The following ADAT2 variants were observed in gnomAD, a reference collection of about 807,000 sequenced individuals.
ADAT2 encodes adenosine deaminase tRNA specific 2.
ADAT2 carries 26 observed loss-of-function variants against 25.9 expected under a neutral mutation model. The observed-to-expected ratio is 1.00, with a 90% CI of 0.74 to 1.39. The LOEUF (loss-of-function observed/expected upper bound fraction) is 1.39. Among genes scored for constraint, ADAT2 ranks in the 40% most tolerant of loss-of-function variants. The pLI, the probability that ADAT2 is intolerant of heterozygous loss-of-function variation, is 0.00. For synonymous variants in ADAT2, 76 were observed against 86.8 expected (o/e 0.88, Z 0.69); for missense variants, 220 against 244.8 (o/e 0.90, Z 0.68).
At chr6:143,435,975 ACTT>A (rs1368568552) in intron 2 of ADAT2, among the ~76,000 whole-genome samples, 1 of 152,162 alleles carries the variant, frequency 6.6e-6, no homozygotes, top group Admixed American at 6.5e-5. Context: ...CAGTTATAAT[ACTT>A]CTCAGTGTTA....
At position 143,450,498 on chromosome 6, in the gene ADAT2, C is replaced by T. The variant is rs1779730219; in HGVS notation, c.96+65G>A. Reference sequence around the variant, plus strand: ...ACGAGAAAGAACGTTTGCTCAAATGCCGGGGTCGGGTTGAGGGCTGGAGAA... The same window carrying T: ...ACGAGAAAGAACGTTTGCTCAAATGTCGGGGTCGGGTTGAGGGCTGGAGAA... On this transcript the variant is annotated intron_variant, in intron 1 of 5. Coordinates refer to ENST00000237283, the MANE Select transcript of ADAT2 (RefSeq NM_182503.3). 4 of 1,540,784 alleles carry T rather than the reference C, an allele frequency of 2.6e-6. No individual in the cohort carries two copies. The Admixed American group carries it at 5.1e-5, about 20-fold the overall frequency.
rs1026791935 is a variant in ADAT2 at position 143,434,278 on chromosome 6, T to TA, written c.202-298dup. ...TAAAATGCCATGGAGAAGGTAAGTCTAAAAAACAAAGAAAAAAAGATAAAG... is the reference window on the plus strand; with the variant it reads ...TAAAATGCCATGGAGAAGGTAAGTCTAAAAAAACAAAGAAAAAAAGATAAAG... On this transcript the variant is annotated intron_variant, in intron 2 of 5. Coordinates refer to ENST00000237283, the MANE Select transcript of ADAT2 (RefSeq NM_182503.3). The surrounding 1 kb of genome is among the most constrained non-coding windows in gnomAD (Gnocchi z 4.5). 1.3e-5 allele frequency among the ~76,000 whole-genome samples: 2 copies of TA among 152,250 alleles called. No individual in the cohort carries two copies. The highest frequency in any genetic ancestry group is 6.5e-5 in the Admixed American group (1 of 15,300).
chr6:143,441,768 AACAC>A (rs1447497780), intron 1 of ADAT2: 3 of 152,236 alleles, frequency 2.0e-5, no homozygotes, highest in African/African-American at 4.8e-5. Context: ...CAAAGAAGAT[AACAC>A]ACATAGCAAA....
At position 143,440,219 on chromosome 6, in the gene ADAT2, G is replaced by A. The variant is rs561124377; in HGVS notation, c.97-1525C>T. On this transcript the variant is annotated intron_variant, in intron 1 of 5. Coordinates refer to ENST00000237283, the MANE Select transcript of ADAT2 (RefSeq NM_182503.3). The surrounding 1 kb of genome is among the most constrained non-coding windows in gnomAD (Gnocchi z 4.5). Reference sequence around the variant, plus strand: ...CTGTGGCAGCCCTGAAGAGACTTTGGAAGACTTGATTCTCACTTAAGTGCA... The same window carrying A: ...CTGTGGCAGCCCTGAAGAGACTTTGAAAGACTTGATTCTCACTTAAGTGCA... Among the ~76,000 whole-genome samples, 1 of 152,112 alleles carries A rather than the reference G, an allele frequency of 6.6e-6. No individual in the cohort carries two copies. Among genetic ancestry groups the A allele is most frequent in the South Asian group, 2.1e-4 (1 of 4,824 alleles).
At chr6:143,438,545 C>A in intron 2 of ADAT2, 45 bp downstream of exon 2, 1 of 1,451,826 alleles carries the variant, frequency 6.9e-7, no homozygotes, top group Non-Finnish European at 9.7e-7. Context: ...TCCAGTCCAC[C>A]CATCACTACT....
At position 143,444,926 on chromosome 6, in the gene ADAT2, A is replaced by G; in HGVS notation, c.96+5637T>C. ...ATAAAAGGGGGAGAGATGGAAACAG[A>G]CCTTGTTTGCACACAGTTTGATGAG... On this transcript the variant is annotated intron_variant, in intron 1 of 5. Transcript: ENST00000237283. The surrounding 1 kb of genome is among the most constrained non-coding windows in gnomAD (Gnocchi z 4.3). 1 of 1,303,034 alleles carries G rather than the reference A, an allele frequency of 7.7e-7. No homozygotes were observed. The highest frequency in any genetic ancestry group is 1.0e-6 in the Non-Finnish European group (1 of 988,298). 80.7% of individuals were successfully genotyped at this position (1,303,034 alleles called of 1,614,324 possible). A position where few individuals can be genotyped will look rare whatever the true frequency, so the allele number is the denominator to read the frequency against.
In ADAT2 at chr6:143,444,282, T is replaced by C. The variant is rs570414039; in HGVS notation, c.97-5588A>G. Among the ~76,000 whole-genome samples, 1 of 152,052 alleles carries C rather than the reference T, an allele frequency of 6.6e-6. No individual in the cohort carries two copies. The highest frequency in any genetic ancestry group is 6.5e-5 in the Admixed American group (1 of 15,274). On this transcript the variant is annotated intron_variant, in intron 1 of 5. Transcript: ENST00000237283. This position sits in a 1 kb window ranked among gnomAD's most constrained non-coding sequence, Gnocchi z 4.3. ...ATTTTAAAAGGACAAATAACGTCAT[T>C]GTTGAGGAATGGCCGAGCCTGCCAT... is the stretch of plus-strand genomic sequence containing the variant.
At chr6:143,433,272 G>A (rs941483341) in intron 3 of ADAT2, among the ~76,000 whole-genome samples, 1 of 152,154 alleles carries the variant, frequency 6.6e-6, no homozygotes, top group South Asian at 2.1e-4. Flanking sequence ...TCCCTACAGA[G>A]TCTCTGCACT....
rs535194912 is a variant in ADAT2 at position 143,429,466 on chromosome 6, T to C, written c.460-782A>G. 2.0e-5 allele frequency among the ~76,000 whole-genome samples: 3 copies of C among 152,168 alleles called. No individual in the cohort carries two copies. The South Asian group carries it at 6.2e-4, about 32-fold the overall frequency. ...ATTGTGCTAACAGTAAGGAGTGTTA[T>C]ATGAAATATTACCTGAAGAACATGA... On this transcript the variant is annotated intron_variant, in intron 4 of 5. Coordinates refer to ENST00000237283, the MANE Select transcript of ADAT2 (RefSeq NM_182503.3).
rs532719825 is a variant in ADAT2 at position 143,449,088 on chromosome 6, C to T, written c.96+1475G>A. On this transcript the variant is annotated intron_variant, in intron 1 of 5. Coordinates refer to ENST00000237283, the MANE Select transcript of ADAT2 (RefSeq NM_182503.3). Reference sequence around the variant, plus strand: ...TTGAGACAGGGTCTGGCTCTGTCTCCCAGGTTGGAGTACAGTGGCACAGAC... The same window carrying T: ...TTGAGACAGGGTCTGGCTCTGTCTCTCAGGTTGGAGTACAGTGGCACAGAC... Among the ~76,000 whole-genome samples the T allele has an allele frequency of 4.0e-5, 6 of 151,158 alleles. No individual in the cohort carries two copies. In the South Asian group the frequency reaches 8.3e-4, roughly 21 times the overall value.
rs1030055224 is a variant in ADAT2 at position 143,440,713 on chromosome 6, A to T, written c.97-2019T>A. On this transcript the variant is annotated intron_variant, in intron 1 of 5. Coordinates refer to ENST00000237283, the MANE Select transcript of ADAT2 (RefSeq NM_182503.3). The surrounding 1 kb of genome is among the most constrained non-coding windows in gnomAD (Gnocchi z 4.5). ...ATAGACAAATGCACCATAGGCTACT[A>T]TAGAGAAGAAAGCCAGGAAGAAGAC... 2.0e-5 allele frequency among the ~76,000 whole-genome samples: 3 copies of T among 152,212 alleles called. No individual in the cohort carries two copies. The highest frequency in any genetic ancestry group is 2.0e-4 in the Admixed American group (3 of 15,278).
rs1778988921 is a variant in ADAT2, at chr6:143,427,967, A to G, written c.*496T>C. 1 of 158,300 alleles carries G rather than the reference A, an allele frequency of 6.3e-6. No individual in the cohort carries two copies. Among genetic ancestry groups the G allele is most frequent in the South Asian group, 1.8e-4 (1 of 5,488 alleles). 9.8% of individuals were successfully genotyped at this position (158,300 alleles called of 1,614,324 possible). ...CCATATAATTATGGTCTCTATATAC[A>G]CAACTTATATACAATTTAGAGAGAA... is the stretch of plus-strand genomic sequence containing the variant. On this transcript the variant is annotated 3_prime_UTR_variant, in exon 6 of 6. Transcript: ENST00000237283.
At chr6:143,435,847 T>C (rs530163857) in intron 2 of ADAT2, among the ~76,000 whole-genome samples, 7 of 152,344 alleles carry the variant, frequency 4.6e-5, no homozygotes, top group African/African-American at 1.7e-4. Context: ...ATGTCATTTT[T>C]CAACAAACAT....
chr6:143,444,867 T>C lies in ADAT2; in HGVS notation c.96+5696A>G. ...TAGTTTATTATTTTCTCCAAAGACA[T>C]TACTACTATAAACTGCTTTCTAGTG... On this transcript the variant is annotated intron_variant, in intron 1 of 5. Coordinates refer to ENST00000237283, the MANE Select transcript of ADAT2 (RefSeq NM_182503.3). This position sits in a 1 kb window ranked among gnomAD's most constrained non-coding sequence, Gnocchi z 4.3. 2 of 1,173,650 alleles carry C rather than the reference T, an allele frequency of 1.7e-6. No homozygotes were observed. Among genetic ancestry groups the C allele is most frequent in the Non-Finnish European group, 2.3e-6 (2 of 884,966 alleles). 72.7% of individuals were successfully genotyped at this position (1,173,650 alleles called of 1,614,324 possible). A position where few individuals can be genotyped will look rare whatever the true frequency, so the allele number is the denominator to read the frequency against.
Position 143,446,798 on chromosome 6 carries a change from T to C in ADAT2, c.96+3765A>G, listed in dbSNP as rs892969338. On this transcript the variant is annotated intron_variant, in intron 1 of 5. Coordinates refer to ENST00000237283, the MANE Select transcript of ADAT2 (RefSeq NM_182503.3). The surrounding 1 kb of genome is among the most constrained non-coding windows in gnomAD (Gnocchi z 5.0). ...AGTTACTGAACTTTCTCAGCTTCAA[T>C]ATCCCATCTGAAAATGAGGACCATA... Among the ~76,000 whole-genome samples, 2 of 152,012 alleles carry C rather than the reference T, an allele frequency of 1.3e-5. No individual in the cohort carries two copies. Among genetic ancestry groups the C allele is most frequent in the African/African-American group, 2.4e-5 (1 of 41,406 alleles).
At chr6:143,438,278 G>A (rs1779350155) in intron 2 of ADAT2, among the ~76,000 whole-genome samples, 1 of 152,114 alleles carries the variant, frequency 6.6e-6, no homozygotes, top group South Asian at 2.1e-4. Flanking sequence ...CTGACATTCT[G>A]ATGAAATAAA....
intron 1 of ADAT2, among the ~76,000 whole-genome samples, chr6:143,443,588 T>C (rs1022596625): frequency 5.3e-5 from 8 of 152,040 alleles, no homozygotes; most frequent in Admixed American, 2.0e-4. Flanking sequence ...CCCAGCACTT[T>C]AGGAGGCCAA....
chr6:143,443,372 A>G, intron 1 of ADAT2, among the ~76,000 whole-genome samples: 1 of 152,180 alleles, frequency 6.6e-6, no homozygotes, highest in Non-Finnish European at 1.5e-5. Context: ...GTTTGAGTTT[A>G]GAGTGAATCA....
At chr6:143,441,061 G>A (rs1372094753) in intron 1 of ADAT2, among the ~76,000 whole-genome samples, 1 of 152,142 alleles carries the variant, frequency 6.6e-6, no homozygotes, top group African/African-American at 2.4e-5. Context: ...ACCTGGAAAA[G>A]GCAGGCTTCC....
Sources: allele counts gnomAD v4.1 joint callset (sites outside exome capture counted in the v4.1 genomes callset), GRCh38; gene constraint gnomAD v4.1.1; non-coding constraint Gnocchi (gnomAD v3.1); transcripts MANE v1.5; gene names NCBI Gene and HGNC (gene_info 2026-07-23, HGNC 2026-07-21).